Variants in SCN7A observed in about 807,000 individuals in gnomAD.
SCN7A encodes the protein sodium voltage-gated channel alpha subunit 7.
A neutral mutation model predicts 155.2 loss-of-function variants in SCN7A; 138 were observed. The ratio of observed to expected loss-of-function variants is 0.89; its 90% CI spans 0.77 to 1.02. The LOEUF is 1.02. Ranked by LOEUF, SCN7A falls within the 50% of genes least tolerant of loss-of-function variation. SCN7A has a pLI of 0.00. For missense variants in SCN7A, 2,058 were observed against 1,986.6 expected, an observed-to-expected ratio of 1.04 and a Z score of -0.68; for synonymous variants, 693 against 649.0, an observed-to-expected ratio of 1.07 and a Z score of -1.03.
At chr2:166,429,851 ATGC>A (rs2105407710) in intron 16 of SCN7A, among the ~76,000 whole-genome samples, 1 of 152,212 alleles carries the variant, frequency 6.6e-6, no homozygotes, top group South Asian at 2.1e-4. Context: ...AAGCACCCAG[ATGC>A]AGAATTGACC....
In SCN7A at chr2:166,441,526, T is replaced by C. The variant is rs1300389664; in HGVS notation, c.2027A>G (p.His676Arg). The C allele has an allele frequency of 6.2e-7, 1 of 1,613,298 alleles. No individual in the cohort carries two copies. Among genetic ancestry groups the C allele is most frequent in the Non-Finnish European group, 8.5e-7 (1 of 1,179,818 alleles). ...AATTCGGAACACATTCAGGAAGGAG[T>C]GGAAAAAGTCATGCATGTGCCAGCG... ...LPRWHMHDFFHSFLNVFRILC... is the reference protein window; with the variant it reads ...LPRWHMHDFFRSFLNVFRILC... Residue 676 changes from histidine to arginine, a missense_variant, in exon 15 of 26, where the codon CAC (histidine) becomes CGC (arginine). His to Arg is a conservative substitution (Grantham distance 29). Coordinates refer to ENST00000643258, the MANE Select transcript of SCN7A (RefSeq NM_002976.4).
intron 19 of SCN7A, among the ~76,000 whole-genome samples, chr2:166,422,138 AAG>A (rs1228400612): frequency 6.6e-6 from 1 of 152,100 alleles, no homozygotes; most frequent in East Asian, 1.9e-4. Flanking sequence ...GAACTTAGGA[AAG>A]AGAGGTCAGC....
Position 166,432,586 on chromosome 2 carries a change from T to C in SCN7A, c.2324A>G (p.Lys775Arg). 1 of 1,613,164 alleles carries C rather than the reference T, an allele frequency of 6.2e-7. No homozygotes were observed. Among genetic ancestry groups the C allele is most frequent in the Non-Finnish European group, 8.5e-7 (1 of 1,179,546 alleles). Reference protein sequence around the residue: ...KILCKTQNVPKDTMDHVNEVY... With the variant: ...KILCKTQNVPRDTMDHVNEVY... ...CTCATTTACATGGTCCATTGTGTCC[T>C]TTGGGACATTTTGTGTTTTGCATAG... Residue 775 changes from lysine to arginine, a missense_variant, in exon 16 of 26, where the codon AAG becomes AGG. Transcript: ENST00000643258.
chr2:166,452,850 C>A (rs573971352), intron 11 of SCN7A, among the ~76,000 whole-genome samples: 1 of 152,156 alleles, frequency 6.6e-6, no homozygotes, highest in Non-Finnish European at 1.5e-5. Flanking sequence ...CTTGAAAATT[C>A]ATGATGGTAC....
In SCN7A at chr2:166,416,889, C is replaced by T; in HGVS notation, c.3232G>A (p.Asp1078Asn). The stretch of plus-strand genomic sequence containing the variant: ...TCATAGAATCTGCCAGCAAATAAGT[C>T]TACTCCCATGATACTAAAAATCAGC... ...IWLIFSIMGV[D>N]LFAGRFYECI... The change falls in exon 21 of 26, where the codon GAC becomes AAC. Residue 1078 changes from aspartate (D) to asparagine (N), a missense_variant. Coordinates refer to ENST00000643258, the MANE Select transcript of SCN7A (RefSeq NM_002976.4). 1 of 1,613,358 alleles carries T rather than the reference C, an allele frequency of 6.2e-7. No individual in the cohort carries two copies. The highest frequency in any genetic ancestry group is 1.1e-5 in the South Asian group (1 of 90,992).
At chr2:166,459,836 T>C (rs1319681017) in intron 10 of SCN7A, among the ~76,000 whole-genome samples, 3 of 152,134 alleles carry the variant, frequency 2.0e-5, no homozygotes, top group African/African-American at 7.2e-5. Context: ...GGCACATGGA[T>C]GAAGCTGGAA....
At chr2:166,414,383 C>A (rs1701311940) in intron 21 of SCN7A, 1 of 123,836 alleles carries the variant, frequency 8.1e-6, no homozygotes, top group Non-Finnish European at 1.6e-5. Context: ...AGATACTAGC[C>A]CAAACTATTT....
Position 166,405,973 on chromosome 2 carries a change from T to G in SCN7A, c.4656A>C (p.Ala1552=). The G allele has an allele frequency of 1.9e-6, 3 of 1,612,984 alleles. No individual in the cohort carries two copies. The highest frequency in any genetic ancestry group is 2.5e-6 in the Non-Finnish European group (3 of 1,179,392). The change falls in exon 26 of 26, where the codon GCA becomes GCC. Residue 1552 remains alanine, a synonymous_variant. Transcript: ENST00000643258. The stretch of plus-strand genomic sequence containing the variant: ...CAATGAGCTGGCCCTTGTTTGGTTT[T>G]GCCATGAAAAGAGGAGGATCAAGAG... ...AAALDPPLFM[A]KPNKGQLIAL...
intron 11 of SCN7A, among the ~76,000 whole-genome samples, chr2:166,451,043 CTTAA>C (rs1024981179): frequency 2.0e-5 from 3 of 152,078 alleles, no homozygotes; most frequent in Non-Finnish European, 4.4e-5. Flanking sequence ...TGAATATATC[CTTAA>C]TTGAGATGAA....
At chr2:166,476,993 C>A (rs1371230630) in intron 3 of SCN7A, among the ~76,000 whole-genome samples, 2 of 151,930 alleles carry the variant, frequency 1.3e-5, no homozygotes, top group Non-Finnish European at 2.9e-5. Context: ...TGCCTAAAGT[C>A]ATTCTGGAGA....
At chr2:166,451,067 C>A (rs78688751) in intron 11 of SCN7A, among the ~76,000 whole-genome samples, 5,485 of 152,068 alleles carry the variant, frequency 0.036, 112 homozygotes, top group Non-Finnish European at 0.04. Context: ...ATTAATTACT[C>A]TTCATAGAGC....
At chr2:166,441,298 C>G in intron 15 of SCN7A, 98 bp downstream of exon 15, 1 of 805,918 alleles carries the variant, frequency 1.2e-6, no homozygotes, top group South Asian at 1.9e-5. Context: ...TGGACTACCA[C>G]AGTTACAGAC....
At chr2:166,466,907 A>G (rs1702546321) in intron 7 of SCN7A, among the ~76,000 whole-genome samples, 1 of 151,978 alleles carries the variant, frequency 6.6e-6, no homozygotes, top group South Asian at 2.1e-4. Flanking sequence ...GAATGACCTT[A>G]GATGATTAGA....
chr2:166,405,485 A>G lies in SCN7A; in HGVS notation c.*95T>C. 1 of 931,238 alleles carries G rather than the reference A, an allele frequency of 1.1e-6. No homozygotes were observed. Among genetic ancestry groups the G allele is most frequent in the Non-Finnish European group, 1.6e-6 (1 of 620,136 alleles). 57.7% of individuals were successfully genotyped at this position (931,238 alleles called of 1,614,324 possible). ...GCTTAATTACCATCGGTTGTAAAGA[A>G]CTGATTATTATCTCTACTTTTCTTT... On this transcript the variant is annotated 3_prime_UTR_variant, in exon 26 of 26. Transcript: ENST00000643258.
chr2:166,484,020 A>T (rs989535048), intron 2 of SCN7A, among the ~76,000 whole-genome samples: 1 of 152,026 alleles, frequency 6.6e-6, no homozygotes, highest in Admixed American at 6.6e-5. Flanking sequence ...TTAAATACAT[A>T]TAGAATGATT....
Position 166,477,394 on chromosome 2 carries a change from T to A in SCN7A, c.234+69A>T, listed in dbSNP as rs1046432330. ...ATTATCTTTTTGTATCCTATCTCAA[T>A]TACATTTTCTGTATGTCTGGAAATA... is the stretch of plus-strand genomic sequence containing the variant. On this transcript the variant is annotated intron_variant, in intron 3 of 25. Transcript: ENST00000643258. The A allele has an allele frequency of 4.0e-6, 4 of 1,011,774 alleles. No homozygotes were observed. The African/African-American group carries it at 6.7e-5, about 17-fold the overall frequency. 62.7% of individuals were successfully genotyped at this position (1,011,774 alleles called of 1,614,324 possible). A position where few individuals can be genotyped will look rare whatever the true frequency, so the allele number is the denominator to read the frequency against.
Position 166,477,689 on chromosome 2 carries a change from G to A in SCN7A, c.8C>T (p.Ala3Val). Residue 3 changes from alanine (A) to valine (V), a missense_variant, in exon 3 of 26, where the codon GCT (alanine) becomes GTT (valine). Coordinates refer to ENST00000643258, the MANE Select transcript of SCN7A (RefSeq NM_002976.4). Reference protein sequence around the residue: MLASPEPKGLVPF... With the variant: MLVSPEPKGLVPF... ...AACAAGGCCCTTAGGTTCTGGTGAA[G>A]CCAACATTTCCAATTTTGTACCTGC... is the stretch of plus-strand genomic sequence containing the variant. 1 of 1,552,090 alleles carries A rather than the reference G, an allele frequency of 6.4e-7. No individual in the cohort carries two copies. The highest frequency in any genetic ancestry group is 8.7e-7 in the Non-Finnish European group (1 of 1,155,662).
At chr2:166,414,293 C>CATATATAT (rs1262942036) in intron 21 of SCN7A, among the ~76,000 whole-genome samples, 4 of 42,094 alleles carry the variant, frequency 9.5e-5, no homozygotes, top group Admixed American at 3.7e-4. Context: ...TATACACACA[C>CATATATAT]ATATATATAT....
In SCN7A at chr2:166,404,809, A is replaced by C. The variant is rs1366333737; in HGVS notation, c.*771T>G. On this transcript the variant is annotated 3_prime_UTR_variant, in exon 26 of 26. Coordinates refer to ENST00000643258, the MANE Select transcript of SCN7A (RefSeq NM_002976.4). ...GTATACTTTTTAAAAAAATAGGTGT[A>C]AATGAGAAGAAAATGAAAAAAAAAA... is the stretch of plus-strand genomic sequence containing the variant. The C allele has an allele frequency of 2.0e-5, 3 of 149,128 alleles. No individual in the cohort carries two copies. Among genetic ancestry groups the C allele is most frequent in the Non-Finnish European group, 4.5e-5 (3 of 67,404 alleles). The allele number at this position is 149,128 out of a possible 1,614,324, so 9.2% of individuals were successfully genotyped here.
Sources: gnomAD v4.1 joint callset for allele counts (sites outside exome capture counted in the v4.1 genomes callset) on GRCh38, gnomAD v4.1.1 for gene constraint, MANE v1.5 for transcripts, NCBI Gene and HGNC (gene_info 2026-07-23, HGNC 2026-07-21) for gene names.